Variants in CLEC16A observed in about 807,000 individuals in gnomAD.
The protein encoded by CLEC16A is C-type lectin domain containing 16A.
Under a neutral mutation model 109.5 loss-of-function variants are expected in CLEC16A, and 51 were observed. The observed-to-expected ratio is 0.47, with a 90% CI of 0.37 to 0.59. The LOEUF is 0.59. CLEC16A is among the 20% of genes least tolerant of loss of function. CLEC16A has a pLI of 0.00. For missense variants in CLEC16A, 1,339 were observed against 1,394.0 expected, an observed-to-expected ratio of 0.96 and a Z score of 0.63; for synonymous variants, 673 against 564.2, an observed-to-expected ratio of 1.19 and a Z score of -2.73.
chr16:11,095,964 G>C (rs1403202120), intron 19 of CLEC16A, among the ~76,000 whole-genome samples: 5 of 152,126 alleles, frequency 3.3e-5, no homozygotes, highest in African/African-American at 1.2e-4. Context: ...AGCTAGGACT[G>C]CAGGTGCACA....
intron 16 of CLEC16A, 112 bp from the exon 17 acceptor site, chr16:11,047,180 A>T: frequency 1.5e-6 from 1 of 676,182 alleles, no homozygotes; most frequent in Non-Finnish European, 2.3e-6. Context: ...ACGAGAACTC[A>T]CTAATGAGAA....
At chr16:11,173,806 C>A (rs981646241) in intron 23 of CLEC16A, among the ~76,000 whole-genome samples, 1 of 152,194 alleles carries the variant, frequency 6.6e-6, no homozygotes, top group African/African-American at 2.4e-5. Flanking sequence ...TCTTCCGTCC[C>A]CTGAGGCTTC....
At chr16:11,080,799 G>C (rs1469886646) in intron 19 of CLEC16A, among the ~76,000 whole-genome samples, 1 of 152,288 alleles carries the variant, frequency 6.6e-6, no homozygotes, top group East Asian at 1.9e-4. Flanking sequence ...CTCCTCGTCT[G>C]CCTCACTCTT....
chr16:11,014,492 C>T (rs1013702494), intron 11 of CLEC16A, among the ~76,000 whole-genome samples: 3 of 151,820 alleles, frequency 2.0e-5, no homozygotes, highest in Admixed American at 2.0e-4. Context: ...TAGAGTATAA[C>T]GGTGATTTAA....
At chr16:11,116,991 C>T (rs1335312178) in intron 19 of CLEC16A, among the ~76,000 whole-genome samples, 2 of 152,186 alleles carry the variant, frequency 1.3e-5, no homozygotes, top group African/African-American at 4.8e-5. Context: ...CTATGGAATA[C>T]TGTGTACAGC....
chr16:11,171,777 C>T (rs2068521236), intron 23 of CLEC16A, among the ~76,000 whole-genome samples: 1 of 152,350 alleles, frequency 6.6e-6, no homozygotes, highest in South Asian at 2.1e-4. Context: ...TCTGCATACA[C>T]ACAGTCACAC....
intron 11 of CLEC16A, among the ~76,000 whole-genome samples, chr16:11,009,984 T>C (rs1208723103): frequency 6.6e-6 from 1 of 152,018 alleles, no homozygotes; most frequent in Admixed American, 6.6e-5. Context: ...GAGACCCCTG[T>C]CTGTACAAAA....
At position 10,982,967 on chromosome 16, in the gene CLEC16A, T is replaced by C. The variant is rs1430317731; in HGVS notation, c.1047T>C (p.Thr349=). 21 of 1,606,888 alleles carry C rather than the reference T, an allele frequency of 1.3e-5. No homozygotes were observed. Among genetic ancestry groups the C allele is most frequent in the Non-Finnish European group, 1.7e-5 (20 of 1,173,518 alleles). ...ATCTGTCTGAGATGTACGCTAAGAC[T>C]GAACAGGATATTCAGAGAAGTTCTG... ...NGDLSEMYAK[T]EQDIQRSSAK... The change falls in exon 10 of 24, where the codon ACT becomes ACC. Residue 349 remains threonine (T), a synonymous_variant. Coordinates refer to ENST00000409790, the MANE Select transcript of CLEC16A (RefSeq NM_015226.3).
chr16:11,136,135 G>A (rs1181707248), intron 22 of CLEC16A: 2 of 152,220 alleles, frequency 1.3e-5, no homozygotes, highest in African/African-American at 2.4e-5. Context: ...AAAGAGTATG[G>A]GCCCAAGTCC....
chr16:11,151,819 G>T (rs534308646), intron 22 of CLEC16A, among the ~76,000 whole-genome samples: 7 of 152,280 alleles, frequency 4.6e-5, no homozygotes, highest in African/African-American at 1.7e-4. Flanking sequence ...AGCCACTTTC[G>T]GGGGGCGGGG....
At chr16:11,027,856 A>G in intron 13 of CLEC16A, 1 of 667,608 alleles carries the variant, frequency 1.5e-6, no homozygotes, top group Non-Finnish European at 2.7e-6. Context: ...GTCTTCAGAG[A>G]AGATTATTTC....
chr16:11,136,622 A>T (rs2053577262), intron 22 of CLEC16A, among the ~76,000 whole-genome samples: 1 of 152,228 alleles, frequency 6.6e-6, no homozygotes, highest in Non-Finnish European at 1.5e-5. Context: ...AGTGGCACAG[A>T]GTTGCTCTTT....
intron 19 of CLEC16A, among the ~76,000 whole-genome samples, chr16:11,099,512 C>T (rs140428310): frequency 5.3e-5 from 8 of 152,360 alleles, no homozygotes; most frequent in East Asian, 3.9e-4. Flanking sequence ...CTGTACTAGA[C>T]AGCATGGTCG....
chr16:11,168,316 A>G (rs2068359909), intron 23 of CLEC16A, among the ~76,000 whole-genome samples: 1 of 152,082 alleles, frequency 6.6e-6, no homozygotes, highest in Non-Finnish European at 1.5e-5. Context: ...ATGTCTTCTC[A>G]TCTCAGAAAT....
chr16:11,075,635 C>T (rs1292633746), intron 19 of CLEC16A, among the ~76,000 whole-genome samples: 1 of 151,990 alleles, frequency 6.6e-6, no homozygotes, highest in Admixed American at 6.6e-5. Flanking sequence ...TGGAGTCTTG[C>T]TATGTTGCCC....
intron 11 of CLEC16A, among the ~76,000 whole-genome samples, chr16:11,008,866 G>A (rs2152767696): frequency 6.6e-6 from 1 of 151,628 alleles, no homozygotes; most frequent in Non-Finnish European, 1.5e-5. Context: ...AGGCGTGGTG[G>A]CGGGCACCTG....
At chr16:10,983,942 T>A (rs958958360) in intron 10 of CLEC16A, among the ~76,000 whole-genome samples, 1 of 148,618 alleles carries the variant, frequency 6.7e-6, no homozygotes, top group African/African-American at 2.5e-5. Context: ...TCATCTCACT[T>A]ATGCGGAGCC....
intron 18 of CLEC16A, among the ~76,000 whole-genome samples, 181 bp from the exon 19 acceptor site, chr16:11,060,720 AT>A (rs112716725): frequency 1.4e-3 from 206 of 149,078 alleles, no homozygotes; most frequent in African/African-American, 4.0e-3. Context: ...TCCCCCTTTG[AT>A]TTTTTTTTTT....
chr16:11,141,334 G>A (rs150863671), intron 22 of CLEC16A, among the ~76,000 whole-genome samples: 35 of 152,332 alleles, frequency 2.3e-4, no homozygotes, highest in South Asian at 6.2e-4. Context: ...CCTGCAACCC[G>A]TCCTAGGCCC....
Sources: allele counts gnomAD v4.1 joint callset (sites outside exome capture counted in the v4.1 genomes callset), GRCh38; gene constraint gnomAD v4.1.1; transcripts MANE v1.5; gene names NCBI Gene and HGNC (gene_info 2026-07-23, HGNC 2026-07-21).